Variants in ZNF266 observed in about 807,000 individuals in gnomAD.
ZNF266 encodes zinc finger protein 1.
Under a neutral mutation model 16.4 loss-of-function variants are expected in ZNF266, and 16 were observed. The observed-to-expected ratio is 0.98, with a 90% CI of 0.66 to 1.48. The LOEUF (loss-of-function observed/expected upper bound fraction) is 1.48, where lower values mean the gene tolerates loss of function less well. ZNF266 is among the 40% of genes most tolerant of loss of function. The probability of loss-of-function intolerance (pLI) is 0.00; values close to 1 mark genes in which losing one functional copy is unlikely to be tolerated. For synonymous variants in ZNF266, 262 were observed against 237.9 expected, an observed-to-expected ratio of 1.10 and a Z score of -0.93; for missense variants, 738 against 689.1, an observed-to-expected ratio of 1.07 and a Z score of -0.79.
chr19:9,429,239 G>GC (rs1246000250), intron 5 of ZNF266, among the ~76,000 whole-genome samples: 4 of 151,758 alleles, frequency 2.6e-5, no homozygotes, highest in African/African-American at 9.7e-5. Flanking sequence ...TTTCAATCTT[G>GC]CCCCCATCCC....
chr19:9,413,829 C>G lies in ZNF266; in HGVS notation c.1297G>C (p.Asp433His), dbSNP rs1464788963. Residue 433 changes from aspartate to histidine, a missense_variant, in exon 11 of 11, where the codon GAC becomes CAC. Physicochemically the swap from Asp to His is moderately conservative, Grantham distance 81. Coordinates refer to ENST00000592904, the MANE Select transcript of ZNF266 (RefSeq NM_001370374.1). ...TGAGTTCGTGCATGCTTAGTAAGGT[C>G]TGAGTTCTGAGTGAAGGCTTTCCCA... Reference protein sequence around the residue: ...DCGKAFTQNSDLTKHARTHSG... With the variant: ...DCGKAFTQNSHLTKHARTHSG... 1.2e-6 allele frequency: 2 copies of G among 1,613,844 alleles called. No homozygotes were observed. The highest frequency in any genetic ancestry group is 1.7e-6 in the Non-Finnish European group (2 of 1,179,974).
intron 5 of ZNF266, among the ~76,000 whole-genome samples, chr19:9,425,560 C>T (rs2070620623): frequency 6.6e-6 from 1 of 152,180 alleles, no homozygotes; most frequent in Admixed American, 6.5e-5. Context: ...GACACAAGAC[C>T]AGGCCTTCAG....
Position 9,422,149 on chromosome 19 carries a change from C to T in ZNF266, c.-129-1931G>A, listed in dbSNP as rs192712455. Among the ~76,000 whole-genome samples, 30 of 111,234 alleles carry T rather than the reference C, an allele frequency of 2.7e-4. No homozygotes were observed. The East Asian group carries it at 6.4e-3, about 24-fold the overall frequency. 73.0% of individuals were successfully genotyped at this position (111,234 alleles called of 152,430 possible). On this transcript the variant is annotated intron_variant, in intron 5 of 10. Transcript: ENST00000592904. ...ACAGGCGTGAGCCACTGCACCTGGC[C>T]ACAACAAAACCTTTTTTTTATCATA...
Position 9,413,845 on chromosome 19 carries a change from G to A in ZNF266, c.1281C>T (p.Ala427=). ...TAGTAAGGTCTGAGTTCTGAGTGAA[G>A]GCTTTCCCACAATCCTTACATTTAT... ...KPYKCKDCGK[A]FTQNSDLTKH... is the part of the protein sequence containing the mutation. The change falls in exon 11 of 11, where the codon GCC becomes GCT. Residue 427 remains alanine, a synonymous_variant. Coordinates refer to ENST00000592904, the MANE Select transcript of ZNF266 (RefSeq NM_001370374.1). 6.2e-7 allele frequency: 1 copy of A among 1,614,118 alleles called. No homozygotes were observed. The highest frequency in any genetic ancestry group is 2.2e-5 in the East Asian group (1 of 44,882).
Position 9,413,559 on chromosome 19 carries a change from G to C in ZNF266, c.1567C>G (p.Arg523Gly). The C allele has an allele frequency of 6.2e-7, 1 of 1,614,054 alleles. No homozygotes were observed. The highest frequency in any genetic ancestry group is 8.5e-7 in the Non-Finnish European group (1 of 1,179,988). ...AATGGTTTTTTGGCGCTGTGGGTCC[G>C]CATGTGATTATTAAGACTGGAGGAA... is the stretch of plus-strand genomic sequence containing the variant. ...THSSSLNNHMRTHSAKKPFTC... is the reference protein window; with the variant it reads ...THSSSLNNHMGTHSAKKPFTC... Residue 523 changes from arginine (R) to glycine (G), a missense_variant, in exon 11 of 11, where the codon CGG becomes GGG. Physicochemically the swap from Arg to Gly is moderately radical, Grantham distance 125 (BLOSUM62 -2). Coordinates refer to ENST00000592904, the MANE Select transcript of ZNF266 (RefSeq NM_001370374.1).
At chr19:9,431,188 G>A (rs1451318565) in intron 5 of ZNF266, among the ~76,000 whole-genome samples, 1 of 152,144 alleles carries the variant, frequency 6.6e-6, no homozygotes, top group Non-Finnish European at 1.5e-5. Context: ...ATACAATTGC[G>A]ACACGGTGGT....
intron 5 of ZNF266, among the ~76,000 whole-genome samples, chr19:9,428,590 C>T (rs59075305): frequency 0.12 from 18,697 of 152,124 alleles, 1,670 homozygotes; most frequent in African/African-American, 0.25. Flanking sequence ...CAAGAAACAA[C>T]GTGCCTGGCC....
intron 5 of ZNF266, among the ~76,000 whole-genome samples, chr19:9,423,078 C>T (rs1054270601): frequency 5.3e-5 from 8 of 152,192 alleles, no homozygotes; most frequent in Non-Finnish European, 1.0e-4. Flanking sequence ...TCAGTGCTTG[C>T]TCAATGGGCC....
chr19:9,420,751 C>CTA (rs1210548357), intron 5 of ZNF266: 5 of 131,952 alleles, frequency 3.8e-5, no homozygotes, highest in African/African-American at 1.5e-4. Flanking sequence ...GAAACTCTCT[C>CTA]TCAAAAGGAA....
rs572939564 is a variant in ZNF266 at position 9,425,601 on chromosome 19, A to G, written c.-129-5383T>C. 7.2e-5 allele frequency among the ~76,000 whole-genome samples: 11 copies of G among 152,218 alleles called. No individual in the cohort carries two copies. The South Asian group carries it at 1.9e-3, about 26-fold the overall frequency. Reference sequence around the variant, plus strand: ...TCTTGGCCTGTTTACTACCTGGCCCACTCACATGGCTGATGCCATATGGGA... The same window carrying G: ...TCTTGGCCTGTTTACTACCTGGCCCGCTCACATGGCTGATGCCATATGGGA... On this transcript the variant is annotated intron_variant, in intron 5 of 10. Transcript: ENST00000592904.
chr19:9,428,318 T>C lies in ZNF266; in HGVS notation c.-130+5350A>G, dbSNP rs1198308850. On this transcript the variant is annotated intron_variant, in intron 5 of 10. Coordinates refer to ENST00000592904, the MANE Select transcript of ZNF266 (RefSeq NM_001370374.1). Reference sequence around the variant, plus strand: ...CCACGATGAAGCCAATCTCAGGCCCTTGGGTCTAATCCACCCGCAGAAGGC... The same window carrying C: ...CCACGATGAAGCCAATCTCAGGCCCCTGGGTCTAATCCACCCGCAGAAGGC... Among the ~76,000 whole-genome samples the C allele has an allele frequency of 2.0e-5, 3 of 152,218 alleles. No individual in the cohort carries two copies. In the East Asian group the frequency reaches 5.8e-4, roughly 29 times the overall value.
At chr19:9,424,183 G>A (rs1278130088) in intron 5 of ZNF266, among the ~76,000 whole-genome samples, 1 of 150,212 alleles carries the variant, frequency 6.7e-6, no homozygotes, top group Admixed American at 6.7e-5. Flanking sequence ...ACTGCCACTT[G>A]GCCCTTTTGG....
At chr19:9,428,195 AC>A (rs1568421501) in intron 5 of ZNF266, among the ~76,000 whole-genome samples, 2 of 152,144 alleles carry the variant, frequency 1.3e-5, no homozygotes, top group African/African-American at 4.8e-5. Context: ...GATCTCACAG[AC>A]CTGAGCCTGT....
At chr19:9,416,371 T>G (rs1472608028) in intron 9 of ZNF266, among the ~76,000 whole-genome samples, 10 of 150,062 alleles carry the variant, frequency 6.7e-5, no homozygotes, top group South Asian at 2.2e-4. Flanking sequence ...TTTTGTTTTT[T>G]TTTTTTTTTG....
intron 5 of ZNF266, 79 bp downstream of exon 5, chr19:9,433,589 T>G (rs2071967805): frequency 6.6e-6 from 1 of 152,190 alleles, no homozygotes; most frequent in Non-Finnish European, 1.5e-5. Flanking sequence ...TTGAATTAAT[T>G]TCTTATTCAT....
At chr19:9,428,885 ACTT>A (rs1244924039) in intron 5 of ZNF266, among the ~76,000 whole-genome samples, 1 of 142,198 alleles carries the variant, frequency 7.0e-6, no homozygotes, top group Non-Finnish European at 1.5e-5. Flanking sequence ...TATATATTTC[ACTT>A]CTTTTTTGTC....
chr19:9,416,466 C>A (rs549806352), intron 9 of ZNF266, among the ~76,000 whole-genome samples: 2 of 149,378 alleles, frequency 1.3e-5, no homozygotes, highest in Admixed American at 1.3e-4. Flanking sequence ...CAAGTTCAAG[C>A]GATTCTCCTG....
rs534959360 is a variant in ZNF266 at position 9,424,334 on chromosome 19, T to C, written c.-129-4116A>G. ...GACAATTGAGGCAAGGAGGATGAAG[T>C]GATGAGGTGTAGAACCTCCGAGTAC... On this transcript the variant is annotated intron_variant, in intron 5 of 10. Coordinates refer to ENST00000592904, the MANE Select transcript of ZNF266 (RefSeq NM_001370374.1). Among the ~76,000 whole-genome samples the C allele has an allele frequency of 4.3e-3, 657 of 151,816 alleles. 4 individuals are homozygous for C. The highest frequency in any genetic ancestry group is 0.01 in the Middle Eastern group (3 of 292).
chr19:9,417,933 C>T lies in ZNF266; in HGVS notation c.236-25G>A, dbSNP rs745892087. 4.4e-6 allele frequency: 7 copies of T among 1,601,514 alleles called. 1 individual carries two copies. The highest frequency in any genetic ancestry group is 1.7e-4 in the Middle Eastern group (1 of 6,044). Reference sequence around the variant, plus strand: ...CCTGTGCACAAAGAAAGATACATTACCAGAAGAGGCTCATGCAAGAGATGA... The same window carrying T: ...CCTGTGCACAAAGAAAGATACATTATCAGAAGAGGCTCATGCAAGAGATGA... On this transcript the variant is annotated intron_variant, in intron 8 of 10. Transcript: ENST00000592904.
Sources: gnomAD v4.1 joint callset for allele counts (sites outside exome capture counted in the v4.1 genomes callset) on GRCh38, gnomAD v4.1.1 for gene constraint, MANE v1.5 for transcripts, NCBI Gene and HGNC (gene_info 2026-07-23, HGNC 2026-07-21) for gene names.